The following SPON2 variants were observed in gnomAD, a reference collection of about 807,000 sequenced individuals.
SPON2 encodes spondin 2.
SPON2 carries 32 observed loss-of-function variants against 29.9 expected under a neutral mutation model. That is an observed-to-expected ratio of 1.07 (90% CI 0.81 to 1.44). The LOEUF is 1.44. Among genes scored for constraint, SPON2 ranks in the 40% most tolerant of loss-of-function variants. The pLI, the probability that SPON2 is intolerant of heterozygous loss-of-function variation, is 0.00. For synonymous variants in SPON2, 248 were observed against 209.1 expected (o/e 1.19, Z -1.61); for missense variants, 541 against 455.5 (o/e 1.19, Z -1.71).
chr4:1,182,982 G>T (rs924468261), intron 1 of SPON2, among the ~76,000 whole-genome samples: 1 of 152,072 alleles, frequency 6.6e-6, no homozygotes, highest in African/African-American at 2.4e-5. Flanking sequence ...CTTCAAAAGT[G>T]AGAGAGGGCT....
intron 1 of SPON2, among the ~76,000 whole-genome samples, chr4:1,185,700 T>C (rs1577904857): frequency 3.7e-4 from 1 of 2,688 alleles, no homozygotes; most frequent in Non-Finnish European, 0.012. Context: ...AGAGTGAGAC[T>C]CCATCTCCAA....
At chr4:1,190,012 G>C (rs986552266) in intron 1 of SPON2, among the ~76,000 whole-genome samples, 3 of 148,458 alleles carry the variant, frequency 2.0e-5, no homozygotes, top group Admixed American at 6.7e-5. Context: ...AAAAAAGTTG[G>C]TTTTTGAAAA....
In SPON2 at chr4:1,171,244, C is replaced by G; in HGVS notation, c.444+19G>C. The G allele has an allele frequency of 7.0e-7, 1 of 1,431,290 alleles. No individual in the cohort carries two copies. Among genetic ancestry groups the G allele is most frequent in the Non-Finnish European group, 9.1e-7 (1 of 1,103,416 alleles). 88.7% of individuals were successfully genotyped at this position (1,431,290 alleles called of 1,614,324 possible). ...GCCCCGGCCCCCCGGACCCCGCCCC[C>G]GGCCGGCCCCGCGCTCACCAGCGAG... On this transcript the variant is annotated intron_variant, in intron 3 of 5. Coordinates refer to ENST00000290902, the MANE Select transcript of SPON2 (RefSeq NM_012445.4).
At chr4:1,186,408 A>G (rs561644120) in intron 1 of SPON2, among the ~76,000 whole-genome samples, 2 of 152,088 alleles carry the variant, frequency 1.3e-5, no homozygotes, top group East Asian at 3.9e-4. Flanking sequence ...GGTTCCAGCA[A>G]TTCTCCTGTC....
upstream of SPON2, chr4:1,200,088 T>C (rs1313072435): frequency 6.6e-6 from 1 of 152,184 alleles, no homozygotes; most frequent in Non-Finnish European, 1.5e-5. Flanking sequence ...CAGGCTCCAA[T>C]CCCGGCTGCT....
At chr4:1,194,795 C>T (rs1393546249) in intron 1 of SPON2, among the ~76,000 whole-genome samples, 1 of 152,022 alleles carries the variant, frequency 6.6e-6, no homozygotes, top group African/African-American at 2.4e-5. Flanking sequence ...AAACACTCAG[C>T]GGGGGCTGCC....
chr4:1,167,747 C>T (rs1727293255), intron 5 of SPON2, 91 bp from the exon 6 acceptor site: 17 of 1,381,648 alleles, frequency 1.2e-5, no homozygotes, highest in South Asian at 2.9e-5. Context: ...CGTGTGCATT[C>T]ATCAGAGGCC....
intron 5 of SPON2, among the ~76,000 whole-genome samples, chr4:1,169,229 C>T (rs1039408650): frequency 6.6e-6 from 1 of 152,104 alleles, no homozygotes; most frequent in Non-Finnish European, 1.5e-5. Flanking sequence ...GGACCCTCTG[C>T]CCACGAGGGG....
In SPON2 at chr4:1,185,980, C is replaced by G. The variant is rs566893827; in HGVS notation, c.-238-6439G>C. ...CAACATCTGGCCGGGCGTGGTGGCTCACGCCTGTAATCCCAGCACTTTGGG... is the reference window on the plus strand; with the variant it reads ...CAACATCTGGCCGGGCGTGGTGGCTGACGCCTGTAATCCCAGCACTTTGGG... On this transcript the variant is annotated intron_variant, in intron 1 of 3. Coordinates refer to the SPON2 transcript ENST00000502483. Among the ~76,000 whole-genome samples, 502 of 151,928 alleles carry G rather than the reference C, an allele frequency of 3.3e-3. 4 individuals are homozygous for G. Among genetic ancestry groups the G allele is most frequent in the African/African-American group, 0.012 (486 of 41,478 alleles).
intron 1 of SPON2, among the ~76,000 whole-genome samples, chr4:1,180,658 A>T (rs74717949): frequency 7.1e-4 from 108 of 152,360 alleles, no homozygotes; most frequent in African/African-American, 2.4e-3. Flanking sequence ...GTGATGTTTT[A>T]CCACATAGAG....
chr4:1,168,433 G>A (rs1727317798), intron 5 of SPON2, among the ~76,000 whole-genome samples: 1 of 152,224 alleles, frequency 6.6e-6, no homozygotes, highest in Non-Finnish European at 1.5e-5. Flanking sequence ...TGAAGGATGA[G>A]AGAGAGTGGA....
chr4:1,176,873 C>A (rs201564454), upstream of SPON2, among the ~76,000 whole-genome samples: 14 of 151,774 alleles, frequency 9.2e-5, no homozygotes, highest in South Asian at 2.1e-4. Flanking sequence ...CATTCACACA[C>A]TTCATTCATT....
At position 1,202,634 on chromosome 4, in the gene SPON2, T is replaced by C. The variant is rs2108681945; in HGVS notation, c.-234+5246A>G. 6.6e-6 allele frequency among the ~76,000 whole-genome samples: 1 copy of C among 151,966 alleles called. No individual in the cohort carries two copies. Among genetic ancestry groups the C allele is most frequent in the East Asian group, 2.0e-4 (1 of 5,120 alleles). On this transcript the variant is annotated intron_variant, in intron 1 of 3. Coordinates refer to the SPON2 transcript ENST00000509233. The surrounding 1 kb of genome is among the most constrained non-coding windows in gnomAD (Gnocchi z 5.4). ...TGCCTGCCGCTCTCCCAGGCTGTGC[T>C]TGCTCGCTGGTGGCCCTGCAGTCCT...
chr4:1,171,539 C>A, intron 2 of SPON2, 53 bp from the exon 3 acceptor site: 1 of 1,559,902 alleles, frequency 6.4e-7, no homozygotes, highest in Non-Finnish European at 8.8e-7. Context: ...TGCGGTCGGG[C>A]TTGGATTCCA....
chr4:1,206,683 G>C (rs1224845263), intron 1 of SPON2, among the ~76,000 whole-genome samples: 1 of 152,200 alleles, frequency 6.6e-6, no homozygotes, highest in Non-Finnish European at 1.5e-5. Context: ...GGGAGGCAGG[G>C]CCTGAGGCTC....
upstream of SPON2, among the ~76,000 whole-genome samples, chr4:1,176,062 C>T (rs1019185992): frequency 8.5e-5 from 13 of 152,102 alleles, no homozygotes; most frequent in African/African-American, 2.4e-4. Context: ...GCTTAATTTT[C>T]TGGATCCTGT....
At chr4:1,197,471 G>GCCATAAATATCAAT (rs1279124763), upstream of SPON2, among the ~76,000 whole-genome samples, 1 of 152,148 alleles carries the variant, frequency 6.6e-6, no homozygotes, top group Admixed American at 6.5e-5. Context: ...AAGCCGAGAA[G>GCCATAAATATCAAT]CCATAAATAT....
chr4:1,178,420 C>G (rs1727646525), intron 2 of SPON2, among the ~76,000 whole-genome samples: 1 of 151,776 alleles, frequency 6.6e-6, no homozygotes, highest in Admixed American at 6.6e-5. Flanking sequence ...CCCTCATCTT[C>G]AGACTCGAAG....
intron 5 of SPON2, chr4:1,170,138 T>A (rs1289604542): frequency 7.1e-6 from 3 of 421,502 alleles, no homozygotes; most frequent in African/African-American, 4.2e-5. Flanking sequence ...CAGGACAGAG[T>A]CTCTCAGGTA....
Sources: allele counts gnomAD v4.1 joint callset (sites outside exome capture counted in the v4.1 genomes callset), GRCh38; gene constraint gnomAD v4.1.1; non-coding constraint Gnocchi (gnomAD v3.1); transcripts MANE v1.5; gene names NCBI Gene and HGNC (gene_info 2026-07-23, HGNC 2026-07-21).